Variants in TTN observed in about 807,000 individuals in gnomAD.
TTN encodes the protein connectin.
In TTN, 1,525 loss-of-function variants were observed where a neutral mutation model predicts 3,223.0. The observed-to-expected ratio is 0.47, with a 90% CI of 0.45 to 0.49. The LOEUF (loss-of-function observed/expected upper bound fraction) is 0.49. Ranked by LOEUF, TTN falls within the 20% of genes least tolerant of loss-of-function variation. The pLI is 0.00. For synonymous variants in TTN, 14,094 were observed against 15,161.0 expected, an observed-to-expected ratio of 0.93 and a Z score of 5.17; for missense variants, 40,786 against 43,424.0, an observed-to-expected ratio of 0.94 and a Z score of 5.40.
chr2:178,726,677 TA>T (rs2079402207), intron 69 of TTN: 1 of 155,758 alleles, frequency 6.4e-6, no homozygotes, highest in South Asian at 2.1e-4. Context: ...AACATAAGTT[TA>T]AAACCTGTAT....
rs542984289 is a variant in TTN at position 178,760,432 on chromosome 2, A to C, written c.10115-1260T>G. On this transcript the variant is annotated intron_variant, in intron 43 of 362. Transcript: ENST00000589042. ...ATAATCCCAGCTATTCAGGAGGCTC[A>C]GGCAGGAGAATAGCTTGAACCCGGG... Among the ~76,000 whole-genome samples the C allele has an allele frequency of 4.6e-5, 7 of 152,316 alleles. No individual in the cohort carries two copies. The South Asian group carries it at 1.2e-3, about 27-fold the overall frequency.
chr2:178,604,145 C>T lies in TTN; in HGVS notation c.54542G>A (p.Gly18181Glu), dbSNP rs776456385. 6.2e-7 allele frequency: 1 copy of T among 1,612,346 alleles called. No homozygotes were observed. Among genetic ancestry groups the T allele is most frequent in the Non-Finnish European group, 8.5e-7 (1 of 1,178,966 alleles). ...GKPKVLARTK[G>E]SMLVSWTPPL... ...AGGAGTCCAGCTCACTAGCATTGAT[C>T]CTTTGGTGCGTGCCAAAACTTTTGG... Residue 18181 changes from glycine to glutamate, a missense_variant, in exon 282 of 363, where the codon GGA (glycine) becomes GAA (glutamate). Coordinates refer to ENST00000589042, the MANE Select transcript of TTN (RefSeq NM_001267550.2).
chr2:178,576,156 C>T lies in TTN; in HGVS notation c.69976G>A (p.Glu23326Lys). The T allele has an allele frequency of 6.2e-7, 1 of 1,613,190 alleles. No individual in the cohort carries two copies. Among genetic ancestry groups the T allele is most frequent in the Non-Finnish European group, 8.5e-7 (1 of 1,179,502 alleles). The change falls in exon 326 of 363, where the codon GAG (glutamate) becomes AAG (lysine). Residue 23326 changes from glutamate to lysine, a missense_variant. Glu to Lys is a moderately conservative substitution (Grantham distance 56, BLOSUM62 1). Coordinates refer to ENST00000589042, the MANE Select transcript of TTN (RefSeq NM_001267550.2). This position sits in a 1 kb window ranked among gnomAD's most constrained non-coding sequence, Gnocchi z 4.3. ...ISAINDAGVG[E>K]PAVIPDVEIV... is the part of the protein sequence containing the mutation. ...TCAACATCTGGAATCACCGCTGGCT[C>T]CCCAACACCTGCATCGTTGATGGCA...
chr2:178,627,453 A>G (rs1446396198), intron 240 of TTN, among the ~76,000 whole-genome samples: 2 of 152,030 alleles, frequency 1.3e-5, no homozygotes, highest in Non-Finnish European at 2.9e-5. Flanking sequence ...ACATGTAACA[A>G]AATGATTTTA....
At chr2:178,797,255 C>T (rs955784593) in intron 6 of TTN, among the ~76,000 whole-genome samples, 1 of 151,716 alleles carries the variant, frequency 6.6e-6, no homozygotes, top group Non-Finnish European at 1.5e-5. Flanking sequence ...TTTTTTTATT[C>T]GACTGCTAGA....
Position 178,727,116 on chromosome 2 carries a change from C to T in TTN, c.20249G>A (p.Ser6750Asn), listed in dbSNP as rs1560744172. 1 of 1,591,382 alleles carries T rather than the reference C, an allele frequency of 6.3e-7. No homozygotes were observed. Residue 6750 changes from serine to asparagine, a missense_variant, in exon 69 of 363, where the codon AGC (serine) becomes AAC (asparagine). By Grantham distance (46) the Ser-to-Asn change is conservative (BLOSUM62 1). Transcript: ENST00000589042. ...CEAQNPAGST[S>N]CSTKVIVKEP... is the part of the protein sequence containing the mutation. ...TTTTACTATAACCTTGGTACTGCAGCTTGTGCTGCCAGCGGGATTCTGAGC... is the reference window on the plus strand; with the variant it reads ...TTTTACTATAACCTTGGTACTGCAGTTTGTGCTGCCAGCGGGATTCTGAGC...
At chr2:178,539,328 A>G in intron 352 of TTN, 54 bp downstream of exon 352, 2 of 1,594,430 alleles carry the variant, frequency 1.3e-6, no homozygotes, top group South Asian at 1.1e-5. Flanking sequence ...TTCATTTAAA[A>G]ACAGAAAAGT....
rs1250582186 is a variant in TTN, at chr2:178,540,377, A to G, written c.97796-7T>C. On this transcript the variant is annotated splice_region_variant and splice_polypyrimidine_tract_variant and intron_variant, in intron 350 of 362. Transcript: ENST00000589042. ...TGTGGCTTTCCTGGAGGAGCTGAGAATAAGAATAAGAATATACTGGTTAAA... is the reference window on the plus strand; with the variant it reads ...TGTGGCTTTCCTGGAGGAGCTGAGAGTAAGAATAAGAATATACTGGTTAAA... The G allele has an allele frequency of 6.2e-7, 1 of 1,603,602 alleles. No individual in the cohort carries two copies. The highest frequency in any genetic ancestry group is 8.5e-7 in the Non-Finnish European group (1 of 1,174,218).
In TTN at chr2:178,578,001, T is replaced by G; in HGVS notation, c.68514A>C (p.Ala22838=). The G allele has an allele frequency of 1.2e-6, 2 of 1,612,930 alleles. No homozygotes were observed. The highest frequency in any genetic ancestry group is 1.3e-5 in the African/African-American group (1 of 75,002). ...KPSLPSEPVV[A]LDPIDPPGKP... is the part of the protein sequence containing the mutation. ...ATAATGACTTACCAATTGGGTCCAG[T>G]GCCACAACAGGCTCTGATGGTAGGC... Residue 22838 remains alanine, a synonymous_variant, in exon 322 of 363, where the codon GCA becomes GCC. Coordinates refer to ENST00000589042, the MANE Select transcript of TTN (RefSeq NM_001267550.2).
intron 47 of TTN, chr2:178,751,720 A>AT: frequency 6.2e-7 from 1 of 1,613,310 alleles, no homozygotes; most frequent in African/African-American, 1.3e-5. Context: ...TGGAAGAGTG[A>AT]TGGTGTAAAT....
chr2:178,606,917 A>C, intron 278 of TTN, 104 bp downstream of exon 278: 1 of 1,283,500 alleles, frequency 7.8e-7, no homozygotes, highest in Non-Finnish European at 1.1e-6. Flanking sequence ...CTCTTTAGCT[A>C]TAGATTTTGA....
rs890694899 is a variant in TTN, at chr2:178,670,931, G to C, written c.35308+159C>G. 3.3e-5 allele frequency among the ~76,000 whole-genome samples: 5 copies of C among 151,904 alleles called. No homozygotes were observed. In the East Asian group the frequency reaches 9.7e-4, roughly 29 times the overall value. ...GTCTTTTTTTGGTAGAACTTCCCTT[G>C]GACCCTCAGCTGCTTTAAAGATATT... On this transcript the variant is annotated intron_variant, in intron 156 of 362. Transcript: ENST00000589042.
intron 240 of TTN, among the ~76,000 whole-genome samples, chr2:178,626,603 C>T (rs56352103): frequency 0.023 from 3,508 of 151,914 alleles, 74 homozygotes; most frequent in East Asian, 0.095. Flanking sequence ...AAGAACTGGG[C>T]ATGGTTAGTC....
Position 178,573,478 on chromosome 2 carries a change from A to T in TTN, c.72654T>A (p.Asn24218Lys). Residue 24218 changes from asparagine (N) to lysine (K), a missense_variant, in exon 326 of 363, where the codon AAT (asparagine) becomes AAA (lysine). Coordinates refer to ENST00000589042, the MANE Select transcript of TTN (RefSeq NM_001267550.2). ...TGGGCGGATCAGGGGGTCCATAAGG[A>T]TTCACTGCAAGCACAGGCTCTGATT... ...PLESEPVLAV[N>K]PYGPPDPPKN... The T allele has an allele frequency of 1.3e-6, 2 of 1,507,176 alleles. No homozygotes were observed. The highest frequency in any genetic ancestry group is 1.8e-6 in the Non-Finnish European group (2 of 1,131,962). The allele number at this position is 1,507,176 out of a possible 1,614,324, so 93.4% of individuals were successfully genotyped here. A position where few individuals can be genotyped will look rare whatever the true frequency, so the allele number is the denominator to read the frequency against.
chr2:178,781,401 T>G (rs909914269), intron 20 of TTN, 138 bp from the exon 21 acceptor site: 1 of 965,036 alleles, frequency 1.0e-6, no homozygotes, highest in African/African-American at 1.6e-5. Flanking sequence ...CACAATAGAT[T>G]ATAAGATTGC....
chr2:178,773,745 C>A lies in TTN; in HGVS notation c.7331-20G>T, dbSNP rs1452249587. On this transcript the variant is annotated intron_variant, in intron 31 of 362. Coordinates refer to ENST00000589042, the MANE Select transcript of TTN (RefSeq NM_001267550.2). The stretch of plus-strand genomic sequence containing the variant: ...CCACACCTGCAAAATCATACACACA[C>A]AAGATGAATGAATTTTGTTGAAATT... The A allele has an allele frequency of 6.2e-7, 1 of 1,614,016 alleles. No homozygotes were observed. Among genetic ancestry groups the A allele is most frequent in the South Asian group, 1.1e-5 (1 of 91,074 alleles).
In TTN at chr2:178,650,195, T is replaced by C. The variant is rs398124450; in HGVS notation, c.39786A>G (p.Glu13262=). The part of the protein sequence containing the change: ...PEEEKPVPVA[E]EEEPEVPPPA... ...GAGGTGGAACCTCTGGTTCCTCCTC[T>C]TCTGCAACAGGAACTGGCTTTTCCT... The change falls in exon 210 of 363, where the codon GAA becomes GAG. Residue 13262 remains glutamate (E), a synonymous_variant. Coordinates refer to ENST00000589042, the MANE Select transcript of TTN (RefSeq NM_001267550.2). The C allele has an allele frequency of 6.9e-5, 110 of 1,594,242 alleles. 1 individual carries two copies. The Middle Eastern group carries it at 1.5e-3, about 22-fold the overall frequency.
At chr2:178,673,965 T>C (rs943106050) in intron 151 of TTN, among the ~76,000 whole-genome samples, 2 of 151,704 alleles carry the variant, frequency 1.3e-5, no homozygotes, top group African/African-American at 4.8e-5. Context: ...AAGATTTTTC[T>C]TAAAAAATGA....
At chr2:178,647,880 T>C (rs572518340) in intron 213 of TTN, among the ~76,000 whole-genome samples, 5 of 152,230 alleles carry the variant, frequency 3.3e-5, no homozygotes, top group South Asian at 2.1e-4. Context: ...CCTCTAACGT[T>C]AGTTCAGAGA....
Sources: gnomAD v4.1 joint callset for allele counts (sites outside exome capture counted in the v4.1 genomes callset) on GRCh38, gnomAD v4.1.1 for gene constraint, Gnocchi (gnomAD v3.1) non-coding constraint, MANE v1.5 for transcripts, NCBI Gene and HGNC (gene_info 2026-07-23, HGNC 2026-07-21) for gene names.